Variants in CA10 observed in about 807,000 individuals in gnomAD.
The protein encoded by CA10 is carbonic anhydrase-related protein 10.
A neutral mutation model predicts 44.2 loss-of-function variants in CA10; 14 were observed. The observed-to-expected ratio is 0.32, with a 90% CI of 0.21 to 0.50. CA10 has a LOEUF of 0.50. Ranked by LOEUF, CA10 falls within the 20% of genes least tolerant of loss-of-function variation. The pLI is 0.99. For synonymous variants in CA10, 159 were observed against 141.6 expected (o/e 1.12, Z -0.87); for missense variants, 350 against 409.7 (o/e 0.85, Z 1.26).
intron 3 of CA10, among the ~76,000 whole-genome samples, chr17:51,775,365 C>A (rs185266737): frequency 1.3e-5 from 2 of 152,202 alleles, no homozygotes; most frequent in Non-Finnish European, 2.9e-5. Flanking sequence ...TAGCTGGATC[C>A]CCTACACAGT....
intron 3 of CA10, among the ~76,000 whole-genome samples, chr17:51,923,275 C>A (rs1157342272): frequency 6.6e-6 from 1 of 152,134 alleles, no homozygotes; most frequent in Non-Finnish European, 1.5e-5. Flanking sequence ...CCACCTTCTG[C>A]ATATAGAGTA....
intron 2 of CA10, among the ~76,000 whole-genome samples, chr17:52,022,942 C>A (rs770366773): frequency 1.3e-5 from 2 of 152,028 alleles, no homozygotes; most frequent in Non-Finnish European, 2.9e-5. Flanking sequence ...CCAAACACTG[C>A]TGAAAGAAAT....
intron 4 of CA10, among the ~76,000 whole-genome samples, chr17:51,669,627 A>G (rs1006383132): frequency 2.6e-5 from 4 of 152,202 alleles, no homozygotes; most frequent in African/African-American, 9.6e-5. Flanking sequence ...CAGCGAGACC[A>G]TGAACCCACC....
rs1914368496 is a variant in CA10 at position 51,670,293 on chromosome 17, C to G, written c.466-16557G>C. Among the ~76,000 whole-genome samples the G allele has an allele frequency of 6.6e-5, 10 of 152,148 alleles. 1 individual carries two copies. In the South Asian group the frequency reaches 2.1e-3, roughly 32 times the overall value. On this transcript the variant is annotated intron_variant, in intron 4 of 8. Coordinates refer to ENST00000451037, the MANE Select transcript of CA10 (RefSeq NM_020178.5). ...AATGCCCTACAGAGGTCATCTCATT[C>G]AGTTCTTACAACAGGTGTACAGGCA...
At chr17:51,827,044 ACTTT>A (rs1908034757) in intron 3 of CA10, among the ~76,000 whole-genome samples, 1 of 152,144 alleles carries the variant, frequency 6.6e-6, no homozygotes, top group African/African-American at 2.4e-5. Context: ...TCAAGGTTTT[ACTTT>A]CTTTATGAGG....
intron 2 of CA10, among the ~76,000 whole-genome samples, chr17:52,036,509 G>A (rs571516395): frequency 2.8e-4 from 42 of 152,274 alleles, no homozygotes; most frequent in African/African-American, 9.6e-4. Flanking sequence ...GCCACCTGGA[G>A]TATCTTGAAG....
intron 2 of CA10, among the ~76,000 whole-genome samples, chr17:51,970,878 T>A (rs1028559636): frequency 6.6e-6 from 1 of 151,926 alleles, no homozygotes; most frequent in African/African-American, 2.4e-5. Context: ...TAATAAGTGG[T>A]TTTGAGACTG....
chr17:51,873,229 T>A (rs531001871), intron 3 of CA10, among the ~76,000 whole-genome samples: 11 of 152,230 alleles, frequency 7.2e-5, no homozygotes, highest in African/African-American at 2.2e-4. Flanking sequence ...TAGAACAAGG[T>A]ACAGAACAGA....
rs150241657 is a variant in CA10 at position 52,081,523 on chromosome 17, G to A, written c.62-9130C>T. ...ATCATAAGATTTAGATGAAGCGGCC[G>A]GGCGCGGTGGCTCACGCCTGTAGTC... On this transcript the variant is annotated intron_variant, in intron 1 of 8. Transcript: ENST00000451037. Among the ~76,000 whole-genome samples the A allele has an allele frequency of 7.9e-5, 12 of 152,266 alleles. No homozygotes were observed. In the East Asian group the frequency reaches 2.3e-3, roughly 30 times the overall value.
intron 3 of CA10, among the ~76,000 whole-genome samples, chr17:51,798,956 A>C (rs1260291649): frequency 1.3e-5 from 2 of 152,208 alleles, no homozygotes. Context: ...CATTGCAGTG[A>C]ACATCAAGGG....
intron 2 of CA10, among the ~76,000 whole-genome samples, chr17:52,069,375 G>A (rs1987619912): frequency 6.6e-6 from 1 of 152,150 alleles, no homozygotes; most frequent in Non-Finnish European, 1.5e-5. Context: ...AGTATATGAT[G>A]GTATGGAGGG....
chr17:51,906,502 G>A (rs563718386), intron 3 of CA10, among the ~76,000 whole-genome samples: 1 of 152,168 alleles, frequency 6.6e-6, no homozygotes, highest in Admixed American at 6.6e-5. Flanking sequence ...GGATACCATA[G>A]CACTCAATTC....
chr17:52,017,761 G>A (rs1386014990), intron 2 of CA10, among the ~76,000 whole-genome samples: 1 of 152,100 alleles, frequency 6.6e-6, no homozygotes, highest in Non-Finnish European at 1.5e-5. Context: ...CCACTTGCTA[G>A]AGACATTCAC....
At chr17:51,800,504 T>G (rs1906885116) in intron 3 of CA10, among the ~76,000 whole-genome samples, 1 of 152,152 alleles carries the variant, frequency 6.6e-6, no homozygotes, top group African/African-American at 2.4e-5. Context: ...TCAATAAACC[T>G]TCTATAAAAA....
At chr17:51,685,942 C>G (rs1238300780) in intron 4 of CA10, among the ~76,000 whole-genome samples, 1 of 152,232 alleles carries the variant, frequency 6.6e-6, no homozygotes, top group Non-Finnish European at 1.5e-5. Context: ...GCCAGCTCCT[C>G]TGCTCAACCT....
intron 2 of CA10, among the ~76,000 whole-genome samples, chr17:51,969,702 G>A (rs545901586): frequency 6.6e-6 from 1 of 151,880 alleles, no homozygotes; most frequent in African/African-American, 2.4e-5. Flanking sequence ...CTGTGTGCGA[G>A]GGATTGTGTT....
At chr17:51,779,161 C>A (rs1225299320) in intron 3 of CA10, among the ~76,000 whole-genome samples, 1 of 152,010 alleles carries the variant, frequency 6.6e-6, no homozygotes, top group Non-Finnish European at 1.5e-5. Context: ...CACTGTTTTC[C>A]CTTTCCAAAA....
intron 4 of CA10, among the ~76,000 whole-genome samples, chr17:51,660,800 C>T (rs1231097201): frequency 6.6e-6 from 1 of 152,116 alleles, no homozygotes; most frequent in Non-Finnish European, 1.5e-5. Flanking sequence ...ATCTGGGGCC[C>T]CTGGCTTTTC....
intron 2 of CA10, among the ~76,000 whole-genome samples, chr17:52,040,545 T>C (rs1018933455): frequency 6.6e-6 from 1 of 151,968 alleles, no homozygotes; most frequent in African/African-American, 2.4e-5. Context: ...TATAGATACA[T>C]AAAAAGTGGT....
Sources: allele counts gnomAD v4.1 joint callset (sites outside exome capture counted in the v4.1 genomes callset), GRCh38; gene constraint gnomAD v4.1.1; transcripts MANE v1.5; gene names NCBI Gene and HGNC (gene_info 2026-07-23, HGNC 2026-07-21).